Variants in MPDZ observed in about 807,000 individuals in gnomAD.
MPDZ encodes the protein multiple PDZ domain crumbs cell polarity complex component.
In MPDZ, 234 loss-of-function variants were observed where a neutral mutation model predicts 239.1. The ratio of observed to expected loss-of-function variants is 0.98; its 90% confidence interval spans 0.88 to 1.09. The LOEUF (loss-of-function observed/expected upper bound fraction) is 1.09, where lower values mean the gene tolerates loss of function less well. MPDZ is among the 50% of genes least tolerant of loss of function. The pLI is 0.00. For missense variants in MPDZ, 3,175 were observed against 2,510.0 expected (o/e 1.26, Z -5.66); for synonymous variants, 1,048 against 881.3 (o/e 1.19, Z -3.35).
chr9:13,155,459 A>T (rs189272028), intron 24 of MPDZ, among the ~76,000 whole-genome samples: 28 of 152,266 alleles, frequency 1.8e-4, no homozygotes, highest in Admixed American at 4.6e-4. Context: ...TGGTATATTC[A>T]CATATTGAAA....
chr9:13,189,389 CTAGATA>C (rs1399513171), intron 16 of MPDZ, among the ~76,000 whole-genome samples: 1 of 151,982 alleles, frequency 6.6e-6, no homozygotes, highest in Non-Finnish European at 1.5e-5. Context: ...CAACTCACTA[CTAGATA>C]TAAGTGCACT....
chr9:13,184,202 G>T (rs543404728), intron 18 of MPDZ, among the ~76,000 whole-genome samples: 5 of 151,978 alleles, frequency 3.3e-5, no homozygotes, highest in Non-Finnish European at 5.9e-5. Context: ...CATAAAGAGT[G>T]AGATAGAGAA....
At chr9:13,154,491 A>G (rs1438804243) in intron 24 of MPDZ, among the ~76,000 whole-genome samples, 1 of 152,136 alleles carries the variant, frequency 6.6e-6, no homozygotes, top group African/African-American at 2.4e-5. Flanking sequence ...TGATTATGTG[A>G]CACAGGGCAT....
At chr9:13,253,203 C>T (rs563382747) in intron 1 of MPDZ, among the ~76,000 whole-genome samples, 1 of 126,558 alleles carries the variant, frequency 7.9e-6, no homozygotes, top group African/African-American at 3.0e-5. Flanking sequence ...ACTTTTTCTT[C>T]CCCCAAAAAA....
intron 1 of MPDZ, among the ~76,000 whole-genome samples, chr9:13,253,384 A>G (rs1298189102): frequency 1.3e-5 from 2 of 152,190 alleles, no homozygotes; most frequent in African/African-American, 2.4e-5. Context: ...ATTAGCAACC[A>G]TGACAAAAAA....
intron 1 of MPDZ, among the ~76,000 whole-genome samples, chr9:13,275,196 C>T (rs1443362865): frequency 6.6e-6 from 1 of 152,176 alleles, no homozygotes; most frequent in Non-Finnish European, 1.5e-5. Context: ...AACTGTGTCT[C>T]CTAAAAATTC....
chr9:13,169,276 C>T (rs1951483552), intron 21 of MPDZ, among the ~76,000 whole-genome samples: 1 of 152,110 alleles, frequency 6.6e-6, no homozygotes, highest in African/African-American at 2.4e-5. Flanking sequence ...GGATGTCTCA[C>T]AGGAAATGCA....
At chr9:13,231,174 C>T (rs1391272806) in intron 3 of MPDZ, among the ~76,000 whole-genome samples, 1 of 151,874 alleles carries the variant, frequency 6.6e-6, no homozygotes, top group Non-Finnish European at 1.5e-5. Flanking sequence ...AAAAAAGGAA[C>T]ATAATTAGAC....
chr9:13,202,637 G>A (rs1956524209), intron 12 of MPDZ, among the ~76,000 whole-genome samples: 1 of 152,176 alleles, frequency 6.6e-6, no homozygotes, highest in African/African-American at 2.4e-5. Context: ...ATGGGACCTA[G>A]GTGGATTTCC....
At chr9:13,227,746 C>T (rs1961093119) in intron 3 of MPDZ, among the ~76,000 whole-genome samples, 1 of 152,074 alleles carries the variant, frequency 6.6e-6, no homozygotes, top group South Asian at 2.1e-4. Context: ...TTGTCATTTC[C>T]TAATTTGTTA....
At chr9:13,208,304 C>A (rs180982270) in intron 10 of MPDZ, among the ~76,000 whole-genome samples, 2 of 151,898 alleles carry the variant, frequency 1.3e-5, no homozygotes, top group African/African-American at 2.4e-5. Context: ...ATTACCCAGG[C>A]GTATTGGCAC....
At chr9:13,193,399 CA>C in intron 13 of MPDZ, 86 bp from the exon 14 acceptor site, 1 of 1,350,738 alleles carries the variant, frequency 7.4e-7, no homozygotes, top group East Asian at 2.5e-5. Flanking sequence ...TATGTTTACC[CA>C]AAAGTGGTCA....
intron 32 of MPDZ, 39 bp downstream of exon 32, chr9:13,133,785 G>A (rs1162441505): frequency 1.5e-6 from 2 of 1,377,958 alleles, no homozygotes; most frequent in Admixed American, 1.7e-5. Context: ...TGAGGTAAAG[G>A]AACTCACATC....
At chr9:13,186,218 G>GT (rs1954076697) in intron 18 of MPDZ, 52 bp downstream of exon 18, 1 of 1,004,646 alleles carries the variant, frequency 1.0e-6, no homozygotes, top group Non-Finnish European at 1.4e-6. Flanking sequence ...GAAAGGCAAA[G>GT]TAAGACATAT....
At chr9:13,124,227 A>G (rs1944793402) in intron 35 of MPDZ, among the ~76,000 whole-genome samples, 1 of 152,212 alleles carries the variant, frequency 6.6e-6, no homozygotes, top group Non-Finnish European at 1.5e-5. Context: ...ATTTTTATAG[A>G]CAACACTATT....
At chr9:13,135,517 G>A (rs1337601642) in intron 31 of MPDZ, 1 of 151,974 alleles carries the variant, frequency 6.6e-6, no homozygotes, top group Admixed American at 6.6e-5. Context: ...TTTCTCTACA[G>A]TACTGCCAGA....
chr9:13,113,265 T>C (rs1942807992), intron 41 of MPDZ, among the ~76,000 whole-genome samples: 1 of 152,154 alleles, frequency 6.6e-6, no homozygotes, highest in Non-Finnish European at 1.5e-5. Flanking sequence ...ATCCCATTCT[T>C]CCTTCTCATT....
At chr9:13,251,793 T>G (rs1272525791) in intron 1 of MPDZ, among the ~76,000 whole-genome samples, 1 of 152,224 alleles carries the variant, frequency 6.6e-6, no homozygotes, top group Non-Finnish European at 1.5e-5. Context: ...CAATGTAGAA[T>G]ATACTATTTG....
chr9:13,165,446 A>C, intron 22 of MPDZ: 1 of 1,547,438 alleles, frequency 6.5e-7, no homozygotes, highest in Non-Finnish European at 8.7e-7. Context: ...TCTTTTTACA[A>C]TGGTGTTAAC....
Sources: allele counts gnomAD v4.1 joint callset (sites outside exome capture counted in the v4.1 genomes callset), GRCh38; gene constraint gnomAD v4.1.1; transcripts MANE v1.5; gene names NCBI Gene and HGNC (gene_info 2026-07-23, HGNC 2026-07-21).